The following ATXN8OS variants were observed in gnomAD, a reference collection of about 807,000 sequenced individuals.
ATXN8OS encodes ATXN8 opposite strand (non-protein coding).
chr13:70,116,937 A>G (rs1356182731), intron 2 of ATXN8OS, among the ~76,000 whole-genome samples: 1 of 152,086 alleles, frequency 6.6e-6, no homozygotes, highest in Non-Finnish European at 1.5e-5. Flanking sequence ...CTCCCCTAAA[A>G]TAACTAATTT....
intron 4 of ATXN8OS, among the ~76,000 whole-genome samples, chr13:70,165,643 A>G (rs995909745): frequency 1.3e-5 from 2 of 152,024 alleles, no homozygotes; most frequent in Admixed American, 1.3e-4. Flanking sequence ...AAAAACTAAA[A>G]ATAGAAATAT....
At chr13:70,124,917 A>G (rs1005611289) in intron 2 of ATXN8OS, among the ~76,000 whole-genome samples, 1 of 134,860 alleles carries the variant, frequency 7.4e-6, no homozygotes, top group African/African-American at 2.8e-5. Context: ...TTATTCTACA[A>G]TGTGTGTAAT....
At chr13:70,115,017 CTCTT>C (rs2137470430) in intron 1 of ATXN8OS, 6 of 383,434 alleles carry the variant, frequency 1.6e-5, no homozygotes, top group Middle Eastern at 1.3e-3. Flanking sequence ...AAATTGAGCT[CTCTT>C]TCTAACGTGT....
At chr13:70,113,557 A>G (rs1044032522) in intron 1 of ATXN8OS, among the ~76,000 whole-genome samples, 3 of 152,172 alleles carry the variant, frequency 2.0e-5, no homozygotes, top group Non-Finnish European at 4.4e-5. Context: ...TGAAACTTTA[A>G]TCAGGATGAT....
chr13:70,131,168 A>T (rs1888528013), intron 3 of ATXN8OS: 4 of 398,512 alleles, frequency 1.0e-5, no homozygotes. Context: ...TGTCCTAAGG[A>T]AAGTCAATAT....
chr13:70,132,781 A>G (rs953921150), intron 3 of ATXN8OS, among the ~76,000 whole-genome samples: 2 of 152,166 alleles, frequency 1.3e-5, no homozygotes, highest in African/African-American at 4.8e-5. Context: ...AATAATGAAC[A>G]TTTGACTGTG....
intron 2 of ATXN8OS, among the ~76,000 whole-genome samples, chr13:70,118,231 G>T (rs1276932864): frequency 6.6e-6 from 1 of 151,942 alleles, no homozygotes; most frequent in Non-Finnish European, 1.5e-5. Flanking sequence ...AAGTAATTTA[G>T]ATTACAAAAA....
rs117522754 is a variant in ATXN8OS, at chr13:70,129,155, G to A, written n.399-629G>A. On this transcript the variant is annotated intron_variant and non_coding_transcript_variant, in intron 2 of 4. Transcript: ENST00000678624. Reference sequence around the variant, plus strand: ...GAGTACAGGCGTGAGCCACCATGCCGGGCCCACAAAAATCAATTTTTAGAG... The same window carrying A: ...GAGTACAGGCGTGAGCCACCATGCCAGGCCCACAAAAATCAATTTTTAGAG... Among the ~76,000 whole-genome samples, 71 of 152,056 alleles carry A rather than the reference G, an allele frequency of 4.7e-4. No individual in the cohort carries two copies. The East Asian group carries it at 0.013, about 28-fold the overall frequency.
At chr13:70,144,653 A>T (rs1181612965) in intron 3 of ATXN8OS, among the ~76,000 whole-genome samples, 1 of 152,164 alleles carries the variant, frequency 6.6e-6, no homozygotes, top group South Asian at 2.1e-4. Context: ...TTGTCTTTTT[A>T]TTCTCTGGCA....
At chr13:70,125,957 C>T (rs906945653) in intron 2 of ATXN8OS, among the ~76,000 whole-genome samples, 1 of 152,108 alleles carries the variant, frequency 6.6e-6, no homozygotes, top group African/African-American at 2.4e-5. Flanking sequence ...TTTACTTTAG[C>T]TAAAGACAAG....
chr13:70,132,316 T>C (rs1042928706), intron 3 of ATXN8OS, among the ~76,000 whole-genome samples: 1 of 151,760 alleles, frequency 6.6e-6, no homozygotes, highest in African/African-American at 2.4e-5. Flanking sequence ...GATTTTTTTT[T>C]TTTTTTTGGC....
intron 3 of ATXN8OS, among the ~76,000 whole-genome samples, chr13:70,136,765 T>G (rs557833315): frequency 6.6e-6 from 1 of 152,170 alleles, no homozygotes. Flanking sequence ...TAATATATAC[T>G]TAAACAAATT....
chr13:70,122,084 C>A (rs1163321616), intron 2 of ATXN8OS, among the ~76,000 whole-genome samples: 1 of 151,876 alleles, frequency 6.6e-6, no homozygotes, highest in Non-Finnish European at 1.5e-5. Context: ...CACACTAATC[C>A]CTTCTTGCAC....
At chr13:70,130,070 C>A (rs1262287622) in intron 3 of ATXN8OS, among the ~76,000 whole-genome samples, 3 of 152,146 alleles carry the variant, frequency 2.0e-5, no homozygotes, top group Non-Finnish European at 4.4e-5. Flanking sequence ...GGACCATGGA[C>A]TTTCTCTCCA....
intron 3 of ATXN8OS, among the ~76,000 whole-genome samples, chr13:70,143,652 CCT>C (rs1251809227): frequency 2.0e-5 from 3 of 152,090 alleles, no homozygotes; most frequent in Non-Finnish European, 2.9e-5. Flanking sequence ...GGGTACCTCA[CCT>C]CTGTTTTATA....
At chr13:70,108,049 G>C (rs1888120760) in intron 1 of ATXN8OS, 1 of 424,800 alleles carries the variant, frequency 2.4e-6, no homozygotes, top group Non-Finnish European at 4.1e-6. Context: ...GGAGATGCGC[G>C]AGGGAGGGAG....
At chr13:70,164,101 TTC>T in intron 4 of ATXN8OS, among the ~76,000 whole-genome samples, 1 of 147,602 alleles carries the variant, frequency 6.8e-6, no homozygotes, top group East Asian at 2.0e-4. Flanking sequence ...ATTATCCTGT[TTC>T]CAAAACCTGG....
chr13:70,146,737 G>A (rs1487348954), intron 3 of ATXN8OS, among the ~76,000 whole-genome samples: 1 of 147,424 alleles, frequency 6.8e-6, no homozygotes, highest in Non-Finnish European at 1.5e-5. Context: ...ACACAGGAAG[G>A]GGAACATCAC....
At chr13:70,151,792 A>G (rs1888871106) in intron 4 of ATXN8OS, among the ~76,000 whole-genome samples, 1 of 152,158 alleles carries the variant, frequency 6.6e-6, no homozygotes, top group South Asian at 2.1e-4. Context: ...TAATAACTCC[A>G]GTGAAGAGTA....
Sources: allele counts gnomAD v4.1 joint callset (sites outside exome capture counted in the v4.1 genomes callset), GRCh38; gene constraint gnomAD v4.1.1; transcripts MANE v1.5; gene names NCBI Gene and HGNC (gene_info 2026-07-23, HGNC 2026-07-21).